The following TPH2 variants were observed in gnomAD, a reference collection of about 807,000 sequenced individuals.
TPH2 encodes the protein tryptophan 5-hydroxylase 2.
In TPH2, 27 loss-of-function variants were observed where a neutral mutation model predicts 59.1. The observed-to-expected ratio is 0.46, with a 90% CI of 0.34 to 0.63. The LOEUF (loss-of-function observed/expected upper bound fraction) is 0.63. TPH2 is among the 30% of genes least tolerant of loss of function. The pLI is 0.01. For synonymous variants in TPH2, 220 were observed against 210.5 expected, an observed-to-expected ratio of 1.05 and a Z score of -0.39; for missense variants, 523 against 588.3, an observed-to-expected ratio of 0.89 and a Z score of 1.15.
intron 4 of TPH2, among the ~76,000 whole-genome samples, chr12:71,946,623 T>G (rs1871204083): frequency 6.6e-6 from 1 of 152,178 alleles, no homozygotes; most frequent in Admixed American, 6.5e-5. Context: ...TTATACAGAA[T>G]GTGATATTGG....
chr12:72,003,000 T>C (rs948956957), intron 8 of TPH2, among the ~76,000 whole-genome samples: 2 of 152,294 alleles, frequency 1.3e-5, no homozygotes, highest in Non-Finnish European at 2.9e-5. Flanking sequence ...TAATTTATGT[T>C]AGAAGTGTAA....
intron 7 of TPH2, among the ~76,000 whole-genome samples, chr12:71,983,817 G>A (rs1165255622): frequency 2.0e-5 from 3 of 151,774 alleles, no homozygotes; most frequent in African/African-American, 7.3e-5. Context: ...GAGAGAGATA[G>A]CACAAACCCT....
intron 8 of TPH2, among the ~76,000 whole-genome samples, chr12:72,002,791 A>T (rs1217208249): frequency 6.6e-6 from 1 of 151,990 alleles, no homozygotes; most frequent in Admixed American, 6.6e-5. Context: ...AGTGTCAGGA[A>T]ATTAATAATA....
chr12:71,950,244 G>T (rs191442650), intron 5 of TPH2, among the ~76,000 whole-genome samples: 1 of 152,140 alleles, frequency 6.6e-6, no homozygotes, highest in African/African-American at 2.4e-5. Flanking sequence ...ACTTTCACTC[G>T]CATCCGTGTG....
intron 5 of TPH2, among the ~76,000 whole-genome samples, chr12:71,951,706 G>A (rs2139186242): frequency 6.7e-6 from 1 of 149,414 alleles, no homozygotes. Flanking sequence ...GTGTGCATGT[G>A]TGTGTGTGTG....
chr12:72,024,144 C>T (rs550423684), intron 9 of TPH2, among the ~76,000 whole-genome samples: 1 of 152,282 alleles, frequency 6.6e-6, no homozygotes, highest in Non-Finnish European at 1.5e-5. Context: ...AGATAAACAA[C>T]CAATCACATA....
rs138637258 is a variant in TPH2 at position 71,980,222 on chromosome 12, G to A, written c.941+1135G>A. 3.4e-3 allele frequency among the ~76,000 whole-genome samples: 513 copies of A among 152,246 alleles called. 1 individual carries two copies. Among genetic ancestry groups the A allele is most frequent in the Non-Finnish European group, 5.6e-3 (378 of 68,010 alleles). Reference sequence around the variant, plus strand: ...AGCTCTGGGTTCTTTTGCCTTCCTGGGCTCCATTAAAATGAGTGCCTTGCT... The same window carrying A: ...AGCTCTGGGTTCTTTTGCCTTCCTGAGCTCCATTAAAATGAGTGCCTTGCT... On this transcript the variant is annotated intron_variant, in intron 7 of 10. Coordinates refer to ENST00000333850, the MANE Select transcript of TPH2 (RefSeq NM_173353.4).
intron 6 of TPH2, among the ~76,000 whole-genome samples, chr12:71,975,711 A>G (rs1872099519): frequency 6.6e-6 from 1 of 151,894 alleles, no homozygotes; most frequent in Non-Finnish European, 1.5e-5. Flanking sequence ...GATCTCTCCC[A>G]CTCTGATTTC....
chr12:71,986,348 C>T (rs1872433895), intron 7 of TPH2, among the ~76,000 whole-genome samples: 2 of 152,154 alleles, frequency 1.3e-5, no homozygotes, highest in Admixed American at 6.5e-5. Flanking sequence ...AGGCCACGTT[C>T]CTAGACCTGG....
At chr12:72,021,486 G>C (rs189138792) in intron 8 of TPH2, among the ~76,000 whole-genome samples, 1 of 151,070 alleles carries the variant, frequency 6.6e-6, no homozygotes, top group Non-Finnish European at 1.5e-5. Flanking sequence ...GTGTGAAAGT[G>C]ATATGCATTC....
chr12:71,956,177 C>G (rs1314446129), intron 5 of TPH2, among the ~76,000 whole-genome samples: 1 of 152,178 alleles, frequency 6.6e-6, no homozygotes, highest in East Asian at 1.9e-4. Context: ...TGGCTTCTCC[C>G]AAATCATGTG....
chr12:72,023,827 A>AAAAAAAAAAGAAG (rs1006280110), intron 9 of TPH2, among the ~76,000 whole-genome samples: 2 of 151,672 alleles, frequency 1.3e-5, no homozygotes, highest in African/African-American at 2.4e-5. Flanking sequence ...GACAGAAAAA[A>AAAAAAAAAAGAAG]AAAAAAAAAG....
intron 7 of TPH2, among the ~76,000 whole-genome samples, chr12:71,979,796 T>C (rs1031158562): frequency 1.3e-4 from 20 of 152,252 alleles, no homozygotes; most frequent in Non-Finnish European, 2.9e-4. Context: ...CGTGGGATTG[T>C]ACAGTCTCCA....
chr12:71,990,134 G>A (rs1052172664), intron 7 of TPH2, among the ~76,000 whole-genome samples: 9 of 152,148 alleles, frequency 5.9e-5, no homozygotes, highest in African/African-American at 2.2e-4. Flanking sequence ...GTAGAGATTG[G>A]AGGCAGCATG....
At chr12:71,961,482 C>A in intron 5 of TPH2, 1 of 1,316,664 alleles carries the variant, frequency 7.6e-7, no homozygotes, top group Non-Finnish European at 1.0e-6. Context: ...TGTTCTGTCT[C>A]TTTCAAACAA....
intron 5 of TPH2, chr12:71,961,787 C>T (rs1871691379): frequency 2.4e-6 from 3 of 1,271,680 alleles, no homozygotes; most frequent in Admixed American, 2.6e-5. Context: ...AAGCCCTATC[C>T]TGTGGTGCAC....
chr12:71,989,960 TTTTTTAAATAAAAAGGAGACATGATG>T (rs1872543914), intron 7 of TPH2, among the ~76,000 whole-genome samples: 1 of 152,096 alleles, frequency 6.6e-6, no homozygotes, highest in Non-Finnish European at 1.5e-5. Flanking sequence ...TTTTTTTTTT[TTTTTTAAATAAAAAGGAGACATGATG>T]TTTTACAGTG....
At chr12:71,985,892 A>T (rs1872420521) in intron 7 of TPH2, among the ~76,000 whole-genome samples, 1 of 152,108 alleles carries the variant, frequency 6.6e-6, no homozygotes, top group Admixed American at 6.5e-5. Flanking sequence ...TATCAAGAGG[A>T]GGAGGCATCT....
rs534788009 is a variant in TPH2 at position 71,963,586 on chromosome 12, G to A, written c.609-8933G>A. 4.0e-3 allele frequency among the ~76,000 whole-genome samples: 197 copies of A among 49,068 alleles called. 75 individuals are homozygous for A. The highest frequency in any genetic ancestry group is 0.01 in the African/African-American group (181 of 17,278). The allele number at this position is 49,068 out of a possible 152,430, so 32.2% of individuals were successfully genotyped here. On this transcript the variant is annotated intron_variant, in intron 5 of 10. Transcript: ENST00000333850. Reference sequence around the variant, plus strand: ...AGCTCTTTGGGAGGCCGAGGTGGGCGGATCACGAGGTCAGGAGTTCAAGAC... The same window carrying A: ...AGCTCTTTGGGAGGCCGAGGTGGGCAGATCACGAGGTCAGGAGTTCAAGAC...
Sources: allele counts gnomAD v4.1 joint callset (sites outside exome capture counted in the v4.1 genomes callset), GRCh38; gene constraint gnomAD v4.1.1; transcripts MANE v1.5; gene names NCBI Gene and HGNC (gene_info 2026-07-23, HGNC 2026-07-21).